Variants in ARHGEF7 observed in about 807,000 individuals in gnomAD.
ARHGEF7 encodes the protein Rho guanine nucleotide exchange factor 7, also known as PAK-interacting exchange factor beta.
Under a neutral mutation model 109.8 loss-of-function variants are expected in ARHGEF7, and 33 were observed. The observed-to-expected ratio is 0.30, with a 90% confidence interval of 0.23 to 0.40. The LOEUF (loss-of-function observed/expected upper bound fraction) is 0.40. Ranked by LOEUF, ARHGEF7 falls within the 10% of genes least tolerant of loss-of-function variation. The pLI is 1.00. For missense variants in ARHGEF7, 938 were observed against 1,098.5 expected, an observed-to-expected ratio of 0.85 and a Z score of 2.07; for synonymous variants, 458 against 424.6, an observed-to-expected ratio of 1.08 and a Z score of -0.97.
chr13:111,204,406 A>T (rs143110306), intron 2 of ARHGEF7, among the ~76,000 whole-genome samples: 6 of 152,290 alleles, frequency 3.9e-5, no homozygotes, highest in Admixed American at 3.9e-4. Flanking sequence ...ATTTTTCTGG[A>T]ACATAGTTGT....
intron 2 of ARHGEF7, among the ~76,000 whole-genome samples, chr13:111,191,399 A>C (rs2079875220): frequency 6.6e-6 from 1 of 152,092 alleles, no homozygotes; most frequent in Non-Finnish European, 1.5e-5. Context: ...GTAATAGATG[A>C]GGTTGGAAAT....
intron 2 of ARHGEF7, among the ~76,000 whole-genome samples, chr13:111,199,388 T>G (rs1248943850): frequency 2.6e-5 from 4 of 152,240 alleles, no homozygotes; most frequent in Non-Finnish European, 4.4e-5. Flanking sequence ...TCTTTTTGAT[T>G]GAAGCTGTCC....
At chr13:111,298,821 A>G (rs974702303) in intron 19 of ARHGEF7, among the ~76,000 whole-genome samples, 1 of 152,172 alleles carries the variant, frequency 6.6e-6, no homozygotes, top group Non-Finnish European at 1.5e-5. Flanking sequence ...ACACAACAGC[A>G]TGAGGGGGAG....
intron 1 of ARHGEF7, chr13:111,153,678 G>A: frequency 3.2e-6 from 4 of 1,249,210 alleles, no homozygotes; most frequent in East Asian, 3.6e-5. Flanking sequence ...TTCCTGGTGC[G>A]GGAAGGGGCA....
chr13:111,219,981 T>A (rs2083618795), intron 5 of ARHGEF7, among the ~76,000 whole-genome samples: 1 of 152,160 alleles, frequency 6.6e-6, no homozygotes. Flanking sequence ...CGTGGAAATG[T>A]CAACTTGATA....
intron 5 of ARHGEF7, among the ~76,000 whole-genome samples, chr13:111,224,501 T>C (rs1161834521): frequency 6.6e-6 from 1 of 152,228 alleles, no homozygotes; most frequent in East Asian, 1.9e-4. Context: ...GGACAGCTTA[T>C]TATCTGTTGT....
chr13:111,153,621 C>CACCCCCA, intron 1 of ARHGEF7: 1 of 1,182,090 alleles, frequency 8.5e-7, no homozygotes. Context: ...CCGCGCGGGC[C>CACCCCCA]GGCGGGGGCG....
chr13:111,126,445 G>A (rs1201710091), intron 1 of ARHGEF7, among the ~76,000 whole-genome samples: 3 of 151,380 alleles, frequency 2.0e-5, no homozygotes, highest in Non-Finnish European at 2.9e-5. Flanking sequence ...AGCCGAGATC[G>A]TGCCACTGCA....
chr13:111,260,263 T>C (rs1466344139), intron 8 of ARHGEF7, among the ~76,000 whole-genome samples: 1 of 152,220 alleles, frequency 6.6e-6, no homozygotes, highest in Non-Finnish European at 1.5e-5. Flanking sequence ...AAGAAGGTTA[T>C]ATTAATAAAA....
chr13:111,138,340 G>T (rs1189478179), intron 1 of ARHGEF7, among the ~76,000 whole-genome samples: 1 of 152,128 alleles, frequency 6.6e-6, no homozygotes, highest in Non-Finnish European at 1.5e-5. Context: ...AATTAGCCGG[G>T]TGTGGTGGCT....
At chr13:111,197,846 G>A (rs2080723074) in intron 2 of ARHGEF7, among the ~76,000 whole-genome samples, 1 of 152,186 alleles carries the variant, frequency 6.6e-6, no homozygotes, top group Non-Finnish European at 1.5e-5. Context: ...GAGACAGGGA[G>A]TGGTTTTTAG....
chr13:111,218,768 G>A (rs565831192), intron 5 of ARHGEF7, among the ~76,000 whole-genome samples: 1 of 152,162 alleles, frequency 6.6e-6, no homozygotes, highest in Non-Finnish European at 1.5e-5. Flanking sequence ...AATTGTTAAG[G>A]TTTATACTAT....
intron 2 of ARHGEF7, among the ~76,000 whole-genome samples, chr13:111,198,579 C>G (rs1325097537): frequency 6.6e-6 from 1 of 151,988 alleles, no homozygotes; most frequent in Non-Finnish European, 1.5e-5. Context: ...GGTGGTGTGT[C>G]CGGAGTTTTT....
chr13:111,244,952 CA>C (rs34485550), intron 8 of ARHGEF7, among the ~76,000 whole-genome samples: 2 of 152,142 alleles, frequency 1.3e-5, no homozygotes, highest in African/African-American at 4.8e-5. Context: ...GTTTTCCCTG[CA>C]AAAAGTTGTC....
intron 16 of ARHGEF7, among the ~76,000 whole-genome samples, chr13:111,284,781 C>G (rs931107769): frequency 6.6e-6 from 1 of 152,190 alleles, no homozygotes; most frequent in African/African-American, 2.4e-5. Flanking sequence ...GACATGGAGG[C>G]TCGTGGAGGC....
intron 8 of ARHGEF7, chr13:111,265,463 CCTGA>C (rs1567008153): frequency 4.9e-6 from 2 of 410,508 alleles, no homozygotes; most frequent in East Asian, 7.2e-5. Context: ...TGCTGATTCT[CCTGA>C]CTATGACTTT....
At position 111,284,070 on chromosome 13, in the gene ARHGEF7, G is replaced by C. The variant is rs577428506; in HGVS notation, c.1950+707G>C. On this transcript the variant is annotated intron_variant, in intron 16 of 21. Transcript: ENST00000646102. ...CTTTCACCTGAGGAAGCTGATAATT[G>C]AGATGAGAGTTGTTTTCATAAGCAG... Among the ~76,000 whole-genome samples, 4 of 152,306 alleles carry C rather than the reference G, an allele frequency of 2.6e-5. No individual in the cohort carries two copies. The East Asian group carries it at 7.7e-4, about 29-fold the overall frequency.
At position 111,239,068 on chromosome 13, in the gene ARHGEF7, C is replaced by T. The variant is rs2087292766; in HGVS notation, c.760-4804C>T. 6.6e-6 allele frequency among the ~76,000 whole-genome samples: 1 copy of T among 152,140 alleles called. No homozygotes were observed. Among genetic ancestry groups the T allele is most frequent in the African/African-American group, 2.4e-5 (1 of 41,438 alleles). On this transcript the variant is annotated intron_variant, in intron 6 of 21. Coordinates refer to ENST00000646102, the MANE Select transcript of ARHGEF7 (RefSeq NM_001354046.2). The surrounding 1 kb of genome is among the most constrained non-coding windows in gnomAD (Gnocchi z 4.3). ...AAATGCCAGATGCTTATAAAACCAT[C>T]AGATCTTGTGAGAACTCACCATGAG...
rs1237054834 is a variant in ARHGEF7 at position 111,273,661 on chromosome 13, G to GCTGGAATTTGGGATTC, written c.1074-152_1074-151insTGGAATTTGGGATTCC. On this transcript the variant is annotated intron_variant, in intron 9 of 21. Transcript: ENST00000646102. The surrounding 1 kb of genome is among the most constrained non-coding windows in gnomAD (Gnocchi z 4.5). ...AGTCCCCTTTGGCATTTCCAGATAA[G>GCTGGAATTTGGGATTC]CAGCGCAGATTTGGGATAAAAGCTG... Among the ~76,000 whole-genome samples, 16 of 152,358 alleles carry GCTGGAATTTGGGATTC rather than the reference G, an allele frequency of 1.1e-4. No homozygotes were observed. Among genetic ancestry groups the GCTGGAATTTGGGATTC allele is most frequent in the South Asian group, 8.3e-4 (4 of 4,832 alleles).
Sources: gnomAD v4.1 joint callset for allele counts (sites outside exome capture counted in the v4.1 genomes callset) on GRCh38, gnomAD v4.1.1 for gene constraint, Gnocchi (gnomAD v3.1) non-coding constraint, MANE v1.5 for transcripts, NCBI Gene and HGNC (gene_info 2026-07-23, HGNC 2026-07-21) for gene names.